Variants in STK3 observed in about 807,000 individuals in gnomAD.
The protein encoded by STK3 is serine/threonine-protein kinase 3.
In STK3, 41 loss-of-function variants were observed where a neutral mutation model predicts 58.0. That is an observed-to-expected ratio of 0.71 (90% CI 0.55 to 0.92). The LOEUF (loss-of-function observed/expected upper bound fraction) is 0.92. STK3 is among the 40% of genes least tolerant of loss of function. The pLI is 0.00. For missense variants in STK3, 479 were observed against 602.7 expected (o/e 0.79, Z 2.15); for synonymous variants, 170 against 191.0 (o/e 0.89, Z 0.91).
intron 1 of STK3, among the ~76,000 whole-genome samples, chr8:98,792,646 A>G (rs969195489): frequency 2.0e-5 from 3 of 152,234 alleles, no homozygotes; most frequent in Admixed American, 6.5e-5. Flanking sequence ...TGTTGCGGTG[A>G]GCTGAGATTG....
At chr8:98,465,367 T>A (rs752367898) in intron 10 of STK3, among the ~76,000 whole-genome samples, 1 of 152,140 alleles carries the variant, frequency 6.6e-6, no homozygotes, top group Non-Finnish European at 1.5e-5. Context: ...CAAAATCCAA[T>A]GATCATGTGA....
At chr8:98,426,641 C>A (rs1363466721) in intron 3 of STK3, among the ~76,000 whole-genome samples, 5 of 152,230 alleles carry the variant, frequency 3.3e-5, no homozygotes, top group African/African-American at 1.2e-4. Context: ...TAAAAGGGGA[C>A]ACCTGGAGTT....
intron 1 of STK3, among the ~76,000 whole-genome samples, chr8:98,901,243 C>T (rs933824195): frequency 6.6e-6 from 1 of 152,174 alleles, no homozygotes; most frequent in African/African-American, 2.4e-5. Context: ...GATAATGATT[C>T]CTACATCAGA....
intron 4 of STK3, among the ~76,000 whole-genome samples, chr8:98,739,794 T>C (rs1195581002): frequency 6.8e-6 from 1 of 147,026 alleles, no homozygotes; most frequent in East Asian, 2.0e-4. Flanking sequence ...ATCAAACTAC[T>C]CCAAGCTACA....
intron 7 of STK3, among the ~76,000 whole-genome samples, chr8:98,592,628 G>A (rs1039240834): frequency 6.6e-6 from 1 of 152,002 alleles, no homozygotes; most frequent in African/African-American, 2.4e-5. Context: ...ACTCCTCTAG[G>A]ACACTGTCTT....
At chr8:98,934,183 T>G (rs1441463950) in intron 1 of STK3, among the ~76,000 whole-genome samples, 1 of 152,236 alleles carries the variant, frequency 6.6e-6, no homozygotes, top group Non-Finnish European at 1.5e-5. Flanking sequence ...AATCCAGGGC[T>G]TCAGTACAGG....
intron 3 of STK3, among the ~76,000 whole-genome samples, chr8:98,404,176 T>A (rs948471687): frequency 6.6e-6 from 1 of 152,202 alleles, no homozygotes; most frequent in Non-Finnish European, 1.5e-5. Context: ...CCAGAAAAAC[T>A]ATATGCTGTC....
At chr8:98,858,463 A>G (rs186294493) in intron 3 of STK3, among the ~76,000 whole-genome samples, 2,053 of 148,500 alleles carry the variant, frequency 0.014, 19 homozygotes, top group Non-Finnish European at 0.021. Context: ...CACCACATCC[A>G]TCCGGTAATT....
intron 4 of STK3, among the ~76,000 whole-genome samples, chr8:98,732,654 T>C (rs1205327454): frequency 6.6e-6 from 1 of 152,176 alleles, no homozygotes; most frequent in Non-Finnish European, 1.5e-5. Flanking sequence ...AATATCCTTT[T>C]TTTAATGGTG....
chr8:98,775,441 G>A (rs1158296768), intron 1 of STK3, among the ~76,000 whole-genome samples: 1 of 152,192 alleles, frequency 6.6e-6, no homozygotes, highest in African/African-American at 2.4e-5. Flanking sequence ...AAATGGCACA[G>A]GTACACGCCA....
intron 8 of STK3, among the ~76,000 whole-genome samples, chr8:98,577,728 G>A (rs1055300176): frequency 1.3e-5 from 2 of 151,946 alleles, no homozygotes; most frequent in Admixed American, 1.3e-4. Context: ...CCCTGAGAAT[G>A]AATCACGTAA....
the STK3 span, among the ~76,000 whole-genome samples, chr8:98,350,313 A>T: frequency 4.6e-5 from 7 of 152,268 alleles, no homozygotes; most frequent in East Asian, 1.4e-3. Context: ...TCCATCTGAG[A>T]CCATCTCAGC....
intron 10 of STK3, among the ~76,000 whole-genome samples, chr8:98,483,915 T>C (rs1312600373): frequency 1.3e-5 from 2 of 152,088 alleles, no homozygotes; most frequent in African/African-American, 4.8e-5. Context: ...AGGAGTGTGT[T>C]TGAACACAGA....
chr8:98,708,784 A>C (rs1826160093), intron 4 of STK3, among the ~76,000 whole-genome samples: 1 of 152,146 alleles, frequency 6.6e-6, no homozygotes, highest in Non-Finnish European at 1.5e-5. Flanking sequence ...TGAGTGAGTG[A>C]GAAGTTGAAT....
chr8:98,538,296 G>A (rs889952699), intron 9 of STK3, among the ~76,000 whole-genome samples: 2 of 152,174 alleles, frequency 1.3e-5, no homozygotes, highest in African/African-American at 4.8e-5. Context: ...AGAAGCTACT[G>A]ACATCAGTTT....
At chr8:98,600,899 C>G (rs1816286772) in intron 6 of STK3, among the ~76,000 whole-genome samples, 1 of 151,990 alleles carries the variant, frequency 6.6e-6, no homozygotes, top group South Asian at 2.1e-4. Flanking sequence ...ATAAAAATGA[C>G]TAGTATGCAG....
chr8:98,384,517 T>C (rs1326808407), intron 1 of STK3, among the ~76,000 whole-genome samples: 2 of 152,230 alleles, frequency 1.3e-5, no homozygotes, highest in Non-Finnish European at 2.9e-5. Context: ...CATCCAGTAA[T>C]ACAAAGACTT....
Position 98,859,500 on chromosome 8 carries a change from G to A in STK3, c.110+24147C>T, listed in dbSNP as rs116247428. 4.8e-3 allele frequency among the ~76,000 whole-genome samples: 737 copies of A among 152,264 alleles called. 7 individuals carry two copies. Among genetic ancestry groups the A allele is most frequent in the African/African-American group, 0.017 (695 of 41,552 alleles). ...CACAATGGGGCACAGGAATCTAGGC[G>A]TCACTGAGGCTGCTTTTTAAAGATA... On this transcript the variant is annotated intron_variant, in intron 3 of 12. Transcript: ENST00000523601.
intron 3 of STK3, among the ~76,000 whole-genome samples, chr8:98,850,422 G>A (rs1031456342): frequency 1.8e-4 from 27 of 152,304 alleles, no homozygotes; most frequent in African/African-American, 6.3e-4. Context: ...ACTGTCTAAT[G>A]GAGGAGGAAG....
Sources: gnomAD v4.1 joint callset for allele counts (sites outside exome capture counted in the v4.1 genomes callset) on GRCh38, gnomAD v4.1.1 for gene constraint, MANE v1.5 for transcripts, NCBI Gene and HGNC (gene_info 2026-07-23, HGNC 2026-07-21) for gene names.